PDSS2: variants seen among roughly 807,000 people sequenced by gnomAD.
The protein encoded by PDSS2 is decaprenyl diphosphate synthase subunit 2, also known as all trans-polyprenyl-diphosphate synthase PDSS2.
PDSS2 carries 31 observed loss-of-function variants against 44.5 expected under a neutral mutation model. The observed-to-expected ratio is 0.70, with a 90% CI of 0.52 to 0.94. The LOEUF is 0.94. Among genes scored for constraint, PDSS2 ranks in the 40% least tolerant of loss-of-function variants. The pLI, the probability that PDSS2 is intolerant of heterozygous loss-of-function variation, is 0.00. For synonymous variants in PDSS2, 157 were observed against 180.3 expected, an observed-to-expected ratio of 0.87 and a Z score of 1.03; for missense variants, 452 against 482.2, an observed-to-expected ratio of 0.94 and a Z score of 0.59.
chr6:107,451,832 T>C (rs1781876513), intron 1 of PDSS2, among the ~76,000 whole-genome samples: 1 of 152,302 alleles, frequency 6.6e-6, no homozygotes, highest in African/African-American at 2.4e-5. Context: ...TCTTAACTTG[T>C]CTTTTCTCAT....
chr6:107,294,309 G>A (rs1364749943), intron 2 of PDSS2, among the ~76,000 whole-genome samples: 1 of 151,970 alleles, frequency 6.6e-6, no homozygotes, highest in Non-Finnish European at 1.5e-5. Context: ...AATCAACCTA[G>A]GTATCTAGAG....
At chr6:107,380,119 G>A (rs1779411570) in intron 1 of PDSS2, among the ~76,000 whole-genome samples, 1 of 152,172 alleles carries the variant, frequency 6.6e-6, no homozygotes, top group South Asian at 2.1e-4. Context: ...GTAGGTGTCA[G>A]AGGCTTCAGT....
rs2114751821 is a variant in PDSS2 at position 107,430,564 on chromosome 6, C to A, written c.296+28426G>T. Among the ~76,000 whole-genome samples, 3 of 152,070 alleles carry A rather than the reference C, an allele frequency of 2.0e-5. No individual in the cohort carries two copies. The Middle Eastern group carries it at 0.01, about 517-fold the overall frequency. ...GTGGCTCACATCTGTAATCCCAGCACTTTGGGTGGCCAAAGCAAGTGGATC... is the reference window on the plus strand; with the variant it reads ...GTGGCTCACATCTGTAATCCCAGCAATTTGGGTGGCCAAAGCAAGTGGATC... On this transcript the variant is annotated intron_variant, in intron 1 of 7. Coordinates refer to ENST00000369037, the MANE Select transcript of PDSS2 (RefSeq NM_020381.4).
At chr6:107,427,366 C>CT (rs1195705256) in intron 1 of PDSS2, among the ~76,000 whole-genome samples, 1 of 152,188 alleles carries the variant, frequency 6.6e-6, no homozygotes, top group Non-Finnish European at 1.5e-5. Context: ...TCCATTACAT[C>CT]TTTTTTTCTT....
At chr6:107,275,309 C>T (rs1562427127) in intron 2 of PDSS2, among the ~76,000 whole-genome samples, 4 of 151,976 alleles carry the variant, frequency 2.6e-5, no homozygotes, top group African/African-American at 7.2e-5. Context: ...GTATTATTAA[C>T]GTCTTTTAAT....
chr6:107,267,584 CTTTCT>C (rs1056942269), intron 3 of PDSS2, among the ~76,000 whole-genome samples: 6 of 139,346 alleles, frequency 4.3e-5, no homozygotes, highest in African/African-American at 1.7e-4. Context: ...ATCAGATTCT[CTTTCT>C]TTTTTTTTTT....
At chr6:107,351,578 A>T (rs1778435698) in intron 1 of PDSS2, among the ~76,000 whole-genome samples, 1 of 152,158 alleles carries the variant, frequency 6.6e-6, no homozygotes, top group Non-Finnish European at 1.5e-5. Context: ...ATTACTCAAG[A>T]GCTGAAAAGT....
intron 7 of PDSS2, among the ~76,000 whole-genome samples, chr6:107,182,558 C>T (rs1772021742): frequency 6.6e-6 from 1 of 152,190 alleles, no homozygotes; most frequent in Non-Finnish European, 1.5e-5. Context: ...CTCCTGACCT[C>T]AAGTGGTCTG....
chr6:107,225,145 A>ATATATATATATATT (rs1554256042), intron 4 of PDSS2, among the ~76,000 whole-genome samples: 6 of 49,306 alleles, frequency 1.2e-4, no homozygotes, highest in East Asian at 9.4e-4. Flanking sequence ...TTTTATATAT[A>ATATATATATATATT]TATATATATA....
rs866453182 is a variant in PDSS2, at chr6:107,393,061, T to G, written c.297-58729A>C. 2.0e-5 allele frequency among the ~76,000 whole-genome samples: 3 copies of G among 152,164 alleles called. No homozygotes were observed. In the South Asian group the frequency reaches 6.2e-4, roughly 31 times the overall value. ...TTGTCTTTTATTTCACTGATTCTGC[T>G]CTATATTACTGCCTTCCTTTACATT... On this transcript the variant is annotated intron_variant, in intron 1 of 7. Coordinates refer to ENST00000369037, the MANE Select transcript of PDSS2 (RefSeq NM_020381.4).
intron 7 of PDSS2, among the ~76,000 whole-genome samples, chr6:107,183,771 T>C (rs970084839): frequency 2.0e-5 from 3 of 152,166 alleles, no homozygotes; most frequent in Non-Finnish European, 4.4e-5. Flanking sequence ...GGTGCACACC[T>C]GTAGTCGCAG....
chr6:107,213,272 A>G (rs1321659045), intron 4 of PDSS2, among the ~76,000 whole-genome samples: 1 of 151,644 alleles, frequency 6.6e-6, no homozygotes, highest in East Asian at 2.0e-4. Context: ...TGACCTCCCA[A>G]AGTACTGGGA....
intron 1 of PDSS2, among the ~76,000 whole-genome samples, chr6:107,417,975 A>T (rs986391268): frequency 2.0e-5 from 3 of 152,190 alleles, no homozygotes; most frequent in African/African-American, 7.2e-5. Flanking sequence ...TAAGTGGAAA[A>T]GGATAGAAAA....
At chr6:107,163,844 C>T (rs1350253170) in intron 7 of PDSS2, among the ~76,000 whole-genome samples, 1 of 152,176 alleles carries the variant, frequency 6.6e-6, no homozygotes, top group East Asian at 1.9e-4. Context: ...CTCAGGTGAT[C>T]CGTCCACCTC....
chr6:107,291,829 C>T (rs974140230), intron 2 of PDSS2, among the ~76,000 whole-genome samples: 3 of 151,648 alleles, frequency 2.0e-5, no homozygotes, highest in African/African-American at 7.3e-5. Context: ...GCCTGGGCAA[C>T]ATAGAGAGAC....
intron 2 of PDSS2, among the ~76,000 whole-genome samples, chr6:107,300,659 G>A (rs1054772065): frequency 1.3e-5 from 2 of 152,160 alleles, no homozygotes; most frequent in Admixed American, 1.3e-4. Context: ...ATAAACCTAG[G>A]CATTTGAGCC....
In PDSS2 at chr6:107,386,672, T is replaced by C. The variant is rs577952009; in HGVS notation, c.297-52340A>G. On this transcript the variant is annotated intron_variant, in intron 1 of 7. Transcript: ENST00000369037. ...ATAATTTGCCCCAAATGCCCAAAGA[T>C]CTCAGGATTAGGGTACAGCAGACTG... is the stretch of plus-strand genomic sequence containing the variant. Among the ~76,000 whole-genome samples the C allele has an allele frequency of 2.2e-4, 34 of 152,252 alleles. No individual in the cohort carries two copies. The South Asian group carries it at 7.0e-3, about 32-fold the overall frequency.
Position 107,364,697 on chromosome 6 carries a change from G to A in PDSS2, c.297-30365C>T, listed in dbSNP as rs571696129. Reference sequence around the variant, plus strand: ...CAGCCCAGAAAGGGGCTCCCACAGTGCAGTGGGGGGGCTGAAGGGCTCCTC... The same window carrying A: ...CAGCCCAGAAAGGGGCTCCCACAGTACAGTGGGGGGGCTGAAGGGCTCCTC... On this transcript the variant is annotated intron_variant, in intron 1 of 7. Transcript: ENST00000369037. Among the ~76,000 whole-genome samples the A allele has an allele frequency of 3.2e-4, 48 of 152,328 alleles. 1 individual carries two copies. The highest frequency in any genetic ancestry group is 7.2e-4 in the African/African-American group (30 of 41,582).
Position 107,379,186 on chromosome 6 carries a change from T to G in PDSS2, c.297-44854A>C, listed in dbSNP as rs372725431. Among the ~76,000 whole-genome samples the G allele has an allele frequency of 1.4e-3, 211 of 152,376 alleles. 3 individuals carry two copies. The highest frequency in any genetic ancestry group is 4.8e-3 in the African/African-American group (199 of 41,590). On this transcript the variant is annotated intron_variant, in intron 1 of 7. Coordinates refer to ENST00000369037, the MANE Select transcript of PDSS2 (RefSeq NM_020381.4). ...ATTTATTCAATCATTTATATCAGCA[T>G]GGACTCATGGATATTTATAGTATGC...
Sources: gnomAD v4.1 joint callset for allele counts (sites outside exome capture counted in the v4.1 genomes callset) on GRCh38, gnomAD v4.1.1 for gene constraint, MANE v1.5 for transcripts, NCBI Gene and HGNC (gene_info 2026-07-23, HGNC 2026-07-21) for gene names.